The following UBE2D3 variants were observed in gnomAD, a reference collection of about 807,000 sequenced individuals.
UBE2D3 encodes ubiquitin conjugating enzyme E2 D3, also known as ubiquitin-conjugating enzyme E2 D3.
UBE2D3 carries 2 observed loss-of-function variants against 22.8 expected under a neutral mutation model. The observed-to-expected ratio is 0.09, with a 90% CI of 0.04 to 0.28. UBE2D3 has a LOEUF of 0.28. UBE2D3 is among the 10% of genes least tolerant of loss of function. UBE2D3 has a pLI of 1.00. For missense variants in UBE2D3, 27 were observed against 182.5 expected (o/e 0.15, Z 4.91); for synonymous variants, 56 against 60.4 (o/e 0.93, Z 0.34).
intron 2 of UBE2D3, chr4:102,812,631 C>T (rs1321257584): frequency 1.3e-5 from 2 of 152,170 alleles, no homozygotes; most frequent in Non-Finnish European, 2.9e-5. Context: ...AGTACACAAG[C>T]CTGTAACTGT....
chr4:102,816,815 AG>A (rs1728838307), intron 2 of UBE2D3, among the ~76,000 whole-genome samples: 1 of 152,254 alleles, frequency 6.6e-6, no homozygotes, highest in African/African-American at 2.4e-5. Context: ...ATTCATTCAT[AG>A]GAACATTGCC....
chr4:102,801,021 T>C (rs979907145), intron 6 of UBE2D3, among the ~76,000 whole-genome samples: 1 of 151,916 alleles, frequency 6.6e-6, no homozygotes, highest in Admixed American at 6.6e-5. Context: ...TGACTGAAGA[T>C]TTGTCTAAAA....
intron 1 of UBE2D3, among the ~76,000 whole-genome samples, chr4:102,842,914 A>G (rs1225649698): frequency 8.9e-5 from 3 of 33,708 alleles, no homozygotes; most frequent in Non-Finnish European, 1.6e-4. Context: ...GTTCAAGACC[A>G]GCCTGGCCAA....
At chr4:102,834,781 T>G (rs1168693793) in intron 1 of UBE2D3, among the ~76,000 whole-genome samples, 1 of 151,858 alleles carries the variant, frequency 6.6e-6, no homozygotes, top group Non-Finnish European at 1.5e-5. Context: ...TTTTTTTTTT[T>G]TGTCTTTTGT....
chr4:102,867,408 A>C (rs1733195744), intron 1 of UBE2D3, among the ~76,000 whole-genome samples: 1 of 152,124 alleles, frequency 6.6e-6, no homozygotes, highest in South Asian at 2.1e-4. Context: ...TAAGTGTAGA[A>C]CTGTAAATAA....
intron 5 of UBE2D3, 54 bp from the exon 6 acceptor site, chr4:102,801,613 A>G: frequency 2.9e-6 from 4 of 1,380,112 alleles, no homozygotes; most frequent in Non-Finnish European, 4.0e-6. Flanking sequence ...CATCTTTTAA[A>G]GCAAAACTTA....
intron 2 of UBE2D3, chr4:102,825,614 C>A: frequency 8.2e-7 from 1 of 1,225,586 alleles, no homozygotes; most frequent in Non-Finnish European, 1.1e-6. Context: ...CCCAGAGCTC[C>A]GAAAAATCCT....
intron 2 of UBE2D3, chr4:102,811,346 A>G (rs572502767): frequency 6.5e-6 from 1 of 153,456 alleles, no homozygotes; most frequent in East Asian, 1.9e-4. Context: ...CTTGAGACAG[A>G]AAAAAAACAC....
chr4:102,828,674 T>C (rs888623090), upstream of UBE2D3, among the ~76,000 whole-genome samples: 1 of 152,190 alleles, frequency 6.6e-6, no homozygotes. Context: ...CAGAAAGTGT[T>C]GAGACTAATT....
At position 102,805,492 on chromosome 4, in the gene UBE2D3, A is replaced by T. The variant is rs1426991937; in HGVS notation, c.121-2854T>A. ...TCTTCTGTGGCAATAAAACGTTGGT[A>T]TTCTTTTTTTTTTTTTTTTAAAGTG... is the stretch of plus-strand genomic sequence containing the variant. On this transcript the variant is annotated intron_variant, in intron 4 of 7. Transcript: ENST00000453744. 2.7e-5 allele frequency among the ~76,000 whole-genome samples: 4 copies of T among 145,548 alleles called. No homozygotes were observed. The East Asian group carries it at 7.9e-4, about 29-fold the overall frequency.
At chr4:102,825,186 C>G in intron 2 of UBE2D3, 3 of 957,886 alleles carry the variant, frequency 3.1e-6, no homozygotes, top group Non-Finnish European at 3.7e-6. Flanking sequence ...CCATTCCTCT[C>G]AGAACTCTTT....
At chr4:102,863,984 A>G (rs954513674) in intron 1 of UBE2D3, among the ~76,000 whole-genome samples, 4 of 152,024 alleles carry the variant, frequency 2.6e-5, no homozygotes, top group South Asian at 4.1e-4. Flanking sequence ...AACCACTGTG[A>G]AAAAAACAAG....
At chr4:102,827,220 G>C in intron 1 of UBE2D3, 3 of 983,208 alleles carry the variant, frequency 3.1e-6, no homozygotes, top group Non-Finnish European at 3.6e-6. Flanking sequence ...CGCTGTCCCT[G>C]AGGCTCCGGC....
At chr4:102,821,814 A>G (rs1729664783) in intron 2 of UBE2D3, among the ~76,000 whole-genome samples, 1 of 152,176 alleles carries the variant, frequency 6.6e-6, no homozygotes, top group Non-Finnish European at 1.5e-5. Flanking sequence ...AAAAACTCCA[A>G]ATGTTCTGGA....
At chr4:102,844,150 G>C (rs922588292) in intron 1 of UBE2D3, 1 of 152,126 alleles carries the variant, frequency 6.6e-6, no homozygotes, top group Non-Finnish European at 1.5e-5. Context: ...TGATGCATCT[G>C]GTGGCCACAG....
chr4:102,825,279 A>T (rs1287693000), intron 2 of UBE2D3: 1 of 986,450 alleles, frequency 1.0e-6, no homozygotes, highest in Non-Finnish European at 1.2e-6. Flanking sequence ...AATTTATTCC[A>T]TGACATTTTT....
At chr4:102,817,667 G>A (rs911422615) in intron 2 of UBE2D3, among the ~76,000 whole-genome samples, 2 of 152,170 alleles carry the variant, frequency 1.3e-5, no homozygotes, top group Non-Finnish European at 2.9e-5. Context: ...GAATGAACAC[G>A]ATATGGAAAA....
chr4:102,862,608 G>C (rs369904483), intron 1 of UBE2D3, among the ~76,000 whole-genome samples: 2 of 152,312 alleles, frequency 1.3e-5, no homozygotes, highest in East Asian at 3.9e-4. Flanking sequence ...AGAATGCGTA[G>C]ATTGTGTATT....
chr4:102,806,465 T>C (rs935200606), intron 4 of UBE2D3, among the ~76,000 whole-genome samples: 1 of 152,080 alleles, frequency 6.6e-6, no homozygotes, highest in African/African-American at 2.4e-5. Flanking sequence ...TCTTCAGGTA[T>C]CAGTAACCTA....
Sources: gnomAD v4.1 joint callset for allele counts (sites outside exome capture counted in the v4.1 genomes callset) on GRCh38, gnomAD v4.1.1 for gene constraint, MANE v1.5 for transcripts, NCBI Gene and HGNC (gene_info 2026-07-23, HGNC 2026-07-21) for gene names.